The following USP9Y variants were observed in gnomAD, a reference collection of about 807,000 sequenced individuals.
USP9Y encodes the protein ubiquitin carboxyl-terminal hydrolase 9Y.
A neutral mutation model predicts 53.1 loss-of-function variants in USP9Y; 41 were observed. The observed-to-expected ratio is 0.77, with a 90% CI of 0.60 to 1.00. The LOEUF is 1.00. Ranked by LOEUF, USP9Y falls within the 50% of genes least tolerant of loss-of-function variation. The pLI, the probability that USP9Y is intolerant of heterozygous loss-of-function variation, is 0.00. For synonymous variants in USP9Y, 220 were observed against 173.7 expected (o/e 1.27, Z -2.09); for missense variants, 567 against 535.8 (o/e 1.06, Z -0.58).
In USP9Y at chrY:12,771,147, C is replaced by T. The variant is rs1359954981; in HGVS notation, c.1980C>T (p.Asn660=). Reference sequence around the variant, plus strand: ...TTCAAGAAGTTCAAGAACGACTAAACTTCCTTAGGTTTGTTTTAAACCATC... The same window carrying T: ...TTCAAGAAGTTCAAGAACGACTAAATTTCCTTAGGTTTGTTTTAAACCATC... The part of the protein sequence containing the change: ...SHVQEVQERL[N]FLRFLLKDGQ... Residue 660 remains asparagine, a synonymous_variant, in exon 16 of 46, where the codon AAC becomes AAT. Coordinates refer to ENST00000338981, the MANE Select transcript of USP9Y (RefSeq NM_004654.4). 1 of 388,405 alleles carries T rather than the reference C, an allele frequency of 2.6e-6. No homozygotes were observed. The highest frequency in any genetic ancestry group is 7.5e-5 in the Admixed American group (1 of 13,393).
At chrY:12,734,931 G>A (rs767745659) in intron 7 of USP9Y, among the ~76,000 whole-genome samples, 1 of 31,665 alleles carries the variant, frequency 3.2e-5, no homozygotes, top group Admixed American at 2.9e-4. Context: ...TTAGCTGGGT[G>A]TATTGGCAGG....
At chrY:12,750,087 A>AT (rs1466217786) in intron 12 of USP9Y, among the ~76,000 whole-genome samples, 33 of 29,981 alleles carry the variant, frequency 1.1e-3, no homozygotes, top group Admixed American at 7.9e-3. Flanking sequence ...TTGTTCAGCA[A>AT]TTTTTTTTTT....
intron 3 of USP9Y, among the ~76,000 whole-genome samples, chrY:12,712,067 T>C (rs746959013): frequency 8.8e-5 from 3 of 33,919 alleles, no homozygotes; most frequent in Admixed American, 2.7e-4. Flanking sequence ...ATTTTTATTT[T>C]AAATTTATTA....
rs751947489 is a variant in USP9Y at position 12,846,368 on chromosome Y, G to A, written c.6604G>A (p.Val2202Ile). The change falls in exon 40 of 46, where the codon GTA (valine) becomes ATA (isoleucine). Residue 2202 changes from valine to isoleucine, a missense_variant. Physicochemically the swap from Val to Ile is conservative, Grantham distance 29. Transcript: ENST00000338981. Reference sequence around the variant, plus strand: ...AAAAACACAGCTTCTGAAATTGAATGTACCTGCTACCTTTATGCTTGTGTC... The same window carrying A: ...AAAAACACAGCTTCTGAAATTGAATATACCTGCTACCTTTATGCTTGTGTC... Reference protein sequence around the residue: ...AEKTQLLKLNVPATFMLVSLD... With the variant: ...AEKTQLLKLNIPATFMLVSLD... 3 of 397,410 alleles carry A rather than the reference G, an allele frequency of 7.5e-6. No individual in the cohort carries two copies. Among genetic ancestry groups the A allele is most frequent in the Non-Finnish European group, 1.1e-5 (3 of 283,039 alleles).
chrY:12,779,305 A>G (rs2053496579), intron 21 of USP9Y, among the ~76,000 whole-genome samples: 2 of 33,486 alleles, frequency 6.0e-5, no homozygotes, highest in African/African-American at 2.3e-4. Flanking sequence ...TACTCAAAGT[A>G]TATTAGAAAG....
chrY:12,821,836 T>G (rs773815308), intron 33 of USP9Y, among the ~76,000 whole-genome samples: 69 of 32,593 alleles, frequency 2.1e-3, no homozygotes, highest in Middle Eastern at 0.014. Flanking sequence ...GTATTTTCAG[T>G]AGAGACAGGG....
intron 41 of USP9Y, 23 bp downstream of exon 41, chrY:12,847,176 T>C: frequency 2.6e-6 from 1 of 383,974 alleles, no homozygotes; most frequent in African/African-American, 6.5e-5. Context: ...TAAACATTTA[T>C]ATATCTGTAA....
At chrY:12,716,993 T>C (rs891264629) in intron 3 of USP9Y, among the ~76,000 whole-genome samples, 4 of 33,869 alleles carry the variant, frequency 1.2e-4, no homozygotes, top group African/African-American at 2.3e-4. Context: ...TTTGTTAAGA[T>C]TTGTTTTGTG....
chrY:12,703,919 A>G (rs1603195081), intron 1 of USP9Y, among the ~76,000 whole-genome samples: 1 of 33,166 alleles, frequency 3.0e-5, no homozygotes, highest in Admixed American at 2.7e-4. Context: ...AGTGATTGGT[A>G]TGTTTTTACA....
At chrY:12,750,744 T>C in intron 12 of USP9Y, among the ~76,000 whole-genome samples, 1 of 33,541 alleles carries the variant, frequency 3.0e-5, no homozygotes, top group Admixed American at 2.7e-4. Context: ...TCTTGGTGTA[T>C]AATCTTTTTT....
intron 42 of USP9Y, among the ~76,000 whole-genome samples, chrY:12,855,273 T>C (rs2053574827): frequency 2.9e-5 from 1 of 33,942 alleles, no homozygotes. Context: ...GACAGAGTTT[T>C]GCTCTTGTTG....
intron 33 of USP9Y, among the ~76,000 whole-genome samples, chrY:12,819,315 A>T: frequency 2.9e-5 from 1 of 34,166 alleles, no homozygotes; most frequent in African/African-American, 1.1e-4. Flanking sequence ...TTCTTTAAGA[A>T]GATGATCATG....
At chrY:12,825,432 G>A in intron 33 of USP9Y, among the ~76,000 whole-genome samples, 1 of 32,863 alleles carries the variant, frequency 3.0e-5, no homozygotes, top group African/African-American at 1.2e-4. Context: ...TATCTAGGCA[G>A]TTGGTATCTA....
At chrY:12,759,853 A>AT (rs2053473325) in intron 14 of USP9Y, among the ~76,000 whole-genome samples, 4 of 32,821 alleles carry the variant, frequency 1.2e-4, no homozygotes, top group African/African-American at 4.8e-4. Context: ...ATGTTTTGTG[A>AT]TTTTTTTTCA....
intron 42 of USP9Y, among the ~76,000 whole-genome samples, chrY:12,854,184 T>A: frequency 3.0e-5 from 1 of 33,233 alleles, no homozygotes; most frequent in African/African-American, 1.2e-4. Context: ...GGTAAATCAT[T>A]GTAATCTTGA....
chrY:12,809,108 G>A (rs2053527454), intron 27 of USP9Y, among the ~76,000 whole-genome samples: 2 of 33,256 alleles, frequency 6.0e-5, no homozygotes, highest in African/African-American at 2.4e-4. Context: ...TAGAGATAAC[G>A]GACAGTCCAT....
In USP9Y at chrY:12,778,164, G is replaced by A; in HGVS notation, c.2785G>A (p.Ala929Thr). Reference sequence around the variant, plus strand: ...TGTTAATCGTATTAAAGCCAATGTAGCCCACAAAAAAATTGAACTTTTTGT... The same window carrying A: ...TGTTAATCGTATTAAAGCCAATGTAACCCACAAAAAAATTGAACTTTTTGT... Reference protein sequence around the residue: ...CIVNRIKANVAHKKIELFVGG... With the variant: ...CIVNRIKANVTHKKIELFVGG... The change falls in exon 20 of 46, where the codon GCC becomes ACC. Residue 929 changes from alanine (A) to threonine (T), a missense_variant. Ala to Thr is a moderately conservative substitution (Grantham distance 58, BLOSUM62 0). Transcript: ENST00000338981. 2.5e-6 allele frequency: 1 copy of A among 397,533 alleles called. No homozygotes were observed. The highest frequency in any genetic ancestry group is 3.5e-6 in the Non-Finnish European group (1 of 283,004).
chrY:12,801,381 A>G, intron 27 of USP9Y, among the ~76,000 whole-genome samples: 1 of 34,157 alleles, frequency 2.9e-5, no homozygotes, highest in African/African-American at 1.1e-4. Context: ...TCCTAAGTGT[A>G]TGTTTGGTTT....
Position 12,856,719 on chromosome Y carries a change from T to C in USP9Y, c.7308T>C (p.Pro2436=). ...AAAGAAGACCATATACTGGCAATCC[T>C]CAGTATAGTTACAACAATTGGTCTC... ...ELERRPYTGN[P]QYSYNNWSPP... is the part of the protein sequence containing the mutation. The change falls in exon 44 of 46, where the codon CCT becomes CCC. Residue 2436 remains proline, a synonymous_variant. Coordinates refer to ENST00000338981, the MANE Select transcript of USP9Y (RefSeq NM_004654.4). 2.5e-6 allele frequency: 1 copy of C among 396,436 alleles called. No homozygotes were observed. The highest frequency in any genetic ancestry group is 3.5e-6 in the Non-Finnish European group (1 of 281,791).
Sources: gnomAD v4.1 joint callset for allele counts (sites outside exome capture counted in the v4.1 genomes callset) on GRCh38, gnomAD v4.1.1 for gene constraint, MANE v1.5 for transcripts, NCBI Gene and HGNC (gene_info 2026-07-23, HGNC 2026-07-21) for gene names.